The following METAP1D variants were observed in gnomAD, a reference collection of about 807,000 sequenced individuals.
The protein encoded by METAP1D is methionine aminopeptidase 1D, mitochondrial.
A neutral mutation model predicts 40.5 loss-of-function variants in METAP1D; 31 were observed. That is an observed-to-expected ratio of 0.77 (90% confidence interval 0.58 to 1.03). The LOEUF (loss-of-function observed/expected upper bound fraction) is 1.03. Ranked by LOEUF, METAP1D falls within the 50% of genes least tolerant of loss-of-function variation. The pLI, the probability that METAP1D is intolerant of heterozygous loss-of-function variation, is 0.00. For missense variants in METAP1D, 411 were observed against 420.7 expected, an observed-to-expected ratio of 0.98 and a Z score of 0.20; for synonymous variants, 151 against 146.4, an observed-to-expected ratio of 1.03 and a Z score of -0.22.
intron 1 of METAP1D, among the ~76,000 whole-genome samples, chr2:172,025,536 C>A (rs143406912): frequency 0.019 from 2,835 of 152,106 alleles, 60 homozygotes; most frequent in Admixed American, 0.069. Flanking sequence ...CGCCATGTTT[C>A]CCAGGCTGGT....
At chr2:172,017,479 C>T (rs914587184) in intron 1 of METAP1D, among the ~76,000 whole-genome samples, 11 of 151,744 alleles carry the variant, frequency 7.2e-5, no homozygotes, top group Admixed American at 2.6e-4. Context: ...CTGTATTAAA[C>T]TGTAAGTTCC....
At chr2:172,028,663 T>C (rs1436699173) in intron 1 of METAP1D, among the ~76,000 whole-genome samples, 1 of 151,786 alleles carries the variant, frequency 6.6e-6, no homozygotes, top group Non-Finnish European at 1.5e-5. Context: ...AATATCTTGG[T>C]CATCTCTGAA....
At chr2:172,035,159 TTTGTTTG>T (rs1689343118) in intron 1 of METAP1D, among the ~76,000 whole-genome samples, 2 of 136,856 alleles carry the variant, frequency 1.5e-5, no homozygotes, top group East Asian at 5.8e-4. Flanking sequence ...TTTTTTTTTG[TTTGTTTG>T]TTTGTTTGTT....
Position 172,061,597 on chromosome 2 carries a change from A to G in METAP1D, c.140A>G (p.Asp47Gly). The G allele has an allele frequency of 6.2e-7, 1 of 1,613,984 alleles. No homozygotes were observed. Among genetic ancestry groups the G allele is most frequent in the Non-Finnish European group, 8.5e-7 (1 of 1,179,908 alleles). ...AATTTCTTTTTTCGGAGACAAAGAGATATTTCACACAGTATAGTTTTGCCG... is the reference window on the plus strand; with the variant it reads ...AATTTCTTTTTTCGGAGACAAAGAGGTATTTCACACAGTATAGTTTTGCCG... ...RRNFFFRRQR[D>G]ISHSIVLPAA... Residue 47 changes from aspartate to glycine, a missense_variant, in exon 2 of 10, where the codon GAT (aspartate) becomes GGT (glycine). Asp to Gly is a moderately conservative substitution (Grantham distance 94). Transcript: ENST00000315796.
intron 1 of METAP1D, among the ~76,000 whole-genome samples, chr2:172,005,045 C>T (rs1688547486): frequency 6.6e-6 from 1 of 151,990 alleles, no homozygotes; most frequent in Non-Finnish European, 1.5e-5. Context: ...ACCTCAACCT[C>T]CTGAGTGGCT....
At chr2:172,010,252 C>A (rs528205315) in intron 1 of METAP1D, among the ~76,000 whole-genome samples, 2 of 151,122 alleles carry the variant, frequency 1.3e-5, no homozygotes, top group Admixed American at 1.3e-4. Context: ...GCGATCCTTC[C>A]ACCTCAGCCC....
chr2:172,073,391 AAAG>A (rs938530901), intron 6 of METAP1D, among the ~76,000 whole-genome samples: 146 of 152,218 alleles, frequency 9.6e-4, no homozygotes, highest in Non-Finnish European at 1.4e-3. Flanking sequence ...ATTAAAAAAA[AAAG>A]AAGAAGAAGA....
chr2:172,016,627 C>G (rs1415635262), intron 1 of METAP1D, among the ~76,000 whole-genome samples: 1 of 150,726 alleles, frequency 6.6e-6, no homozygotes, highest in South Asian at 2.1e-4. Context: ...CCCCCACCCC[C>G]CCAAAAAAGA....
At chr2:172,035,544 T>C (rs1307123617) in intron 1 of METAP1D, among the ~76,000 whole-genome samples, 1 of 152,184 alleles carries the variant, frequency 6.6e-6, no homozygotes, top group Non-Finnish European at 1.5e-5. Context: ...AGTCCAAATC[T>C]CTTTCATCCC....
intron 6 of METAP1D, chr2:172,072,452 G>T: frequency 6.0e-6 from 1 of 167,232 alleles, no homozygotes. Flanking sequence ...TTCTCTCTGA[G>T]AGGTAATTAT....
At chr2:172,070,325 G>C (rs938094772) in intron 5 of METAP1D, among the ~76,000 whole-genome samples, 1 of 152,092 alleles carries the variant, frequency 6.6e-6, no homozygotes, top group Non-Finnish European at 1.5e-5. Flanking sequence ...TTCACTTCTA[G>C]ACATAGGATT....
At chr2:172,077,957 T>C (rs937935284) in intron 7 of METAP1D, 63 bp downstream of exon 7, 9 of 910,572 alleles carry the variant, frequency 9.9e-6, no homozygotes, top group Non-Finnish European at 1.6e-5. Flanking sequence ...GCTTTGACCC[T>C]GAAGCTCTTC....
intron 1 of METAP1D, among the ~76,000 whole-genome samples, chr2:172,015,843 T>C (rs1177713133): frequency 6.6e-6 from 1 of 151,860 alleles, no homozygotes; most frequent in Non-Finnish European, 1.5e-5. Flanking sequence ...TGCATGTAGC[T>C]ACTCGGGAGG....
At chr2:172,018,050 C>T (rs1245805373) in intron 1 of METAP1D, among the ~76,000 whole-genome samples, 2 of 149,178 alleles carry the variant, frequency 1.3e-5, no homozygotes, top group African/African-American at 5.0e-5. Context: ...TCGCTTGAAC[C>T]TGGGAGCAGG....
intron 5 of METAP1D, among the ~76,000 whole-genome samples, chr2:172,068,537 G>A (rs1261141341): frequency 2.7e-5 from 4 of 149,092 alleles, no homozygotes; most frequent in African/African-American, 5.0e-5. Flanking sequence ...TTTTTCAGAC[G>A]GAGTTTCCCT....
intron 6 of METAP1D, among the ~76,000 whole-genome samples, chr2:172,076,598 G>A (rs1182331078): frequency 6.6e-6 from 1 of 152,242 alleles, no homozygotes; most frequent in Non-Finnish European, 1.5e-5. Context: ...ATCTGAATAA[G>A]AGGCTGCCCA....
At chr2:172,065,857 T>G in intron 4 of METAP1D, 105 bp downstream of exon 4, 1 of 1,216,952 alleles carries the variant, frequency 8.2e-7, no homozygotes. Flanking sequence ...AACCCACCGG[T>G]AAACTTCTGA....
intron 1 of METAP1D, among the ~76,000 whole-genome samples, chr2:172,000,423 G>A (rs1247735282): frequency 6.6e-6 from 1 of 151,998 alleles, no homozygotes; most frequent in East Asian, 1.9e-4. Flanking sequence ...CATGCTTTTT[G>A]GGGACTTGCA....
Position 172,080,198 on chromosome 2 carries a change from C to A in METAP1D, c.921C>A (p.Asp307Glu). ...LEDAWTVVSL[D>E]NQRSAQFEHT... Reference sequence around the variant, plus strand: ...ATGCATGGACTGTGGTCTCCCTAGACAATCAAAGGTGTTTGCTTTCTGCTC... The same window carrying A: ...ATGCATGGACTGTGGTCTCCCTAGAAAATCAAAGGTGTTTGCTTTCTGCTC... Residue 307 changes from aspartate (D) to glutamate (E), a missense_variant, in exon 9 of 10, where the codon GAC (aspartate) becomes GAA (glutamate). By Grantham distance (45) the Asp-to-Glu change is conservative. Transcript: ENST00000315796. 1 of 1,614,198 alleles carries A rather than the reference C, an allele frequency of 6.2e-7. No homozygotes were observed. The highest frequency in any genetic ancestry group is 8.5e-7 in the Non-Finnish European group (1 of 1,179,994).
Sources: allele counts gnomAD v4.1 joint callset (sites outside exome capture counted in the v4.1 genomes callset), GRCh38; gene constraint gnomAD v4.1.1; transcripts MANE v1.5; gene names NCBI Gene and HGNC (gene_info 2026-07-23, HGNC 2026-07-21).